RAP1A: variants seen among roughly 807,000 people sequenced by gnomAD.
RAP1A encodes RAP1A, member of RAS oncogene family, also known as ras-related protein Rap-1A.
In RAP1A, 6 loss-of-function variants were observed where a neutral mutation model predicts 26.4. That is an observed-to-expected ratio of 0.23 (90% confidence interval 0.12 to 0.45). The LOEUF is 0.45. Among genes scored for constraint, RAP1A ranks in the 20% least tolerant of loss-of-function variants. The pLI is 0.99. For missense variants in RAP1A, 121 were observed against 217.2 expected, an observed-to-expected ratio of 0.56 and a Z score of 2.78; for synonymous variants, 73 against 79.4, an observed-to-expected ratio of 0.92 and a Z score of 0.43.
chr1:111,607,473 C>G (rs1270332191), intron 1 of RAP1A, among the ~76,000 whole-genome samples: 1 of 152,264 alleles, frequency 6.6e-6, no homozygotes, highest in African/African-American at 2.4e-5. Flanking sequence ...TCCCCACTTT[C>G]TATTCCACAA....
chr1:111,663,971 T>G (rs1366747102), intron 1 of RAP1A, among the ~76,000 whole-genome samples: 1 of 152,192 alleles, frequency 6.6e-6, no homozygotes, highest in South Asian at 2.1e-4. Context: ...AGAGCTTTCT[T>G]TTTTCTCTTC....
intron 1 of RAP1A, among the ~76,000 whole-genome samples, chr1:111,687,252 G>C (rs925443206): frequency 2.7e-5 from 4 of 149,408 alleles, no homozygotes; most frequent in African/African-American, 1.0e-4. Context: ...CTGTTGCCCA[G>C]GGTGGAGTGC....
intron 1 of RAP1A, among the ~76,000 whole-genome samples, chr1:111,639,482 T>C (rs376026394): frequency 6.6e-6 from 1 of 151,112 alleles, no homozygotes; most frequent in Non-Finnish European, 1.5e-5. Context: ...ATTCTTTCTT[T>C]AAATGTAGCC....
At chr1:111,644,600 A>G (rs746606814) in intron 1 of RAP1A, among the ~76,000 whole-genome samples, 1 of 152,212 alleles carries the variant, frequency 6.6e-6, no homozygotes, top group Non-Finnish European at 1.5e-5. Flanking sequence ...CAAGGCTGTT[A>G]CCAAAAGAAG....
intron 1 of RAP1A, among the ~76,000 whole-genome samples, chr1:111,643,426 C>A (rs1346469068): frequency 1.3e-5 from 2 of 152,146 alleles, no homozygotes; most frequent in Non-Finnish European, 2.9e-5. Context: ...TTGGGATACT[C>A]TAGAAAGTTA....
chr1:111,666,967 C>G (rs1194401450), intron 1 of RAP1A, among the ~76,000 whole-genome samples: 1 of 105,750 alleles, frequency 9.5e-6, no homozygotes, highest in Non-Finnish European at 2.0e-5. Flanking sequence ...GGATACAGGC[C>G]AAATCATTAG....
intron 1 of RAP1A, among the ~76,000 whole-genome samples, chr1:111,634,280 T>G (rs1318064748): frequency 6.6e-6 from 1 of 152,136 alleles, no homozygotes; most frequent in African/African-American, 2.4e-5. Context: ...TAATAAATAT[T>G]TTTTAGTTAT....
intron 4 of RAP1A, 135 bp from the exon 5 acceptor site, chr1:111,703,199 TTG>T (rs1662076687): frequency 1.9e-6 from 1 of 527,896 alleles, no homozygotes; most frequent in East Asian, 3.3e-5. Context: ...TGCTAGAAAC[TTG>T]TGTTATGTCT....
intron 1 of RAP1A, chr1:111,648,424 T>G: frequency 1.7e-6 from 1 of 589,356 alleles, no homozygotes; most frequent in Non-Finnish European, 3.2e-6. Context: ...CCTTGCCATC[T>G]TCCAGCAGGT....
rs1658113398 is a variant in RAP1A, at chr1:111,574,822, T to G, written c.-28+32313T>G. The stretch of plus-strand genomic sequence containing the variant: ...GGAAGCCAAATTCAGGGGCTGGTTT[T>G]GTTTGGAAGGCAGTGGCTCTGCTAT... On this transcript the variant is annotated intron_variant, in intron 1 of 7. Transcript: ENST00000356415. Among the ~76,000 whole-genome samples, 7 of 152,250 alleles carry G rather than the reference T, an allele frequency of 4.6e-5. No homozygotes were observed. In the South Asian group the frequency reaches 1.4e-3, roughly 31 times the overall value.
At chr1:111,703,544 T>G in intron 5 of RAP1A, 68 bp downstream of exon 5, 1 of 1,358,262 alleles carries the variant, frequency 7.4e-7, no homozygotes, top group Non-Finnish European at 9.8e-7. Flanking sequence ...AGTGCCTGTT[T>G]TCTCTATTAG....
chr1:111,684,823 AAG>A (rs1661418859), intron 1 of RAP1A, among the ~76,000 whole-genome samples: 1 of 152,224 alleles, frequency 6.6e-6, no homozygotes, highest in Admixed American at 6.5e-5. Context: ...CCATATAGCC[AAG>A]ATGGTGCTAA....
In RAP1A at chr1:111,714,146, TTG is replaced by T. The variant is rs1194905437; in HGVS notation, c.*1749_*1750del. 4.6e-5 allele frequency: 7 copies of T among 152,222 alleles called. No individual in the cohort carries two copies. The East Asian group carries it at 1.3e-3, about 29-fold the overall frequency. The allele number at this position is 152,222 out of a possible 1,614,324, so 9.4% of individuals were successfully genotyped here. A position where few individuals can be genotyped will look rare whatever the true frequency, so the allele number is the denominator to read the frequency against. On this transcript the variant is annotated 3_prime_UTR_variant, in exon 8 of 8. Coordinates refer to ENST00000369709, the MANE Select transcript of RAP1A (RefSeq NM_002884.4). ...TTAAAAAAATGGAAATTTTTTTTGT[TTG>T]TGTTTTTGTTTTAGTTTCGAATAAA...
At chr1:111,621,915 A>C (rs1217575510) in intron 1 of RAP1A, among the ~76,000 whole-genome samples, 2 of 152,180 alleles carry the variant, frequency 1.3e-5, no homozygotes, top group Non-Finnish European at 2.9e-5. Context: ...ATCTACACTT[A>C]ATATACCCCA....
intron 1 of RAP1A, among the ~76,000 whole-genome samples, chr1:111,612,745 G>T (rs1658944939): frequency 6.6e-6 from 1 of 152,146 alleles, no homozygotes; most frequent in Non-Finnish European, 1.5e-5. Context: ...AAACCTGGAT[G>T]TTTATAGAAT....
At chr1:111,691,534 A>G in intron 2 of RAP1A, 117 bp downstream of exon 2, 1 of 854,864 alleles carries the variant, frequency 1.2e-6, no homozygotes, top group Non-Finnish European at 1.9e-6. Context: ...TATATCTGAT[A>G]TCTGTCCCAC....
intron 1 of RAP1A, among the ~76,000 whole-genome samples, chr1:111,655,464 T>C (rs1660424663): frequency 6.6e-6 from 1 of 151,874 alleles, no homozygotes; most frequent in African/African-American, 2.4e-5. Context: ...GACTGATAAA[T>C]ATTTGAAAAC....
chr1:111,673,257 C>T (rs1198192953), intron 1 of RAP1A, among the ~76,000 whole-genome samples: 1 of 152,120 alleles, frequency 6.6e-6, no homozygotes, highest in Non-Finnish European at 1.5e-5. Flanking sequence ...ATTTATGATC[C>T]CTGTAAATAT....
chr1:111,610,974 T>C (rs1298256842), intron 1 of RAP1A, among the ~76,000 whole-genome samples: 1 of 146,638 alleles, frequency 6.8e-6, no homozygotes, highest in South Asian at 2.2e-4. Flanking sequence ...ATTTTTTTTT[T>C]ATTCCAAGCC....
Sources: allele counts gnomAD v4.1 joint callset (sites outside exome capture counted in the v4.1 genomes callset), GRCh38; gene constraint gnomAD v4.1.1; transcripts MANE v1.5; gene names NCBI Gene and HGNC (gene_info 2026-07-23, HGNC 2026-07-21).